BTBD9: variants seen among roughly 807,000 people sequenced by gnomAD.
BTBD9 encodes BTB domain containing 9, also known as BTB/POZ domain-containing protein 9.
BTBD9 carries 49 observed loss-of-function variants against 64.3 expected under a neutral mutation model. The ratio of observed to expected loss-of-function variants is 0.76; its 90% CI spans 0.61 to 0.97. The LOEUF (loss-of-function observed/expected upper bound fraction) is 0.97. Ranked by LOEUF, BTBD9 falls within the 50% of genes least tolerant of loss-of-function variation. The probability of loss-of-function intolerance (pLI) is 0.00; values close to 1 mark genes in which losing one functional copy is unlikely to be tolerated. For missense variants in BTBD9, 598 were observed against 762.1 expected, an observed-to-expected ratio of 0.78 and a Z score of 2.53; for synonymous variants, 260 against 274.7, an observed-to-expected ratio of 0.95 and a Z score of 0.53.
At chr6:38,186,656 G>A (rs866856635) in intron 10 of BTBD9, among the ~76,000 whole-genome samples, 1 of 152,128 alleles carries the variant, frequency 6.6e-6, no homozygotes, top group African/African-American at 2.4e-5. Context: ...AGGTGCCAGG[G>A]ATACAAAGAT....
At chr6:38,504,474 T>C (rs1243147350) in intron 6 of BTBD9, 19 of 451,848 alleles carry the variant, frequency 4.2e-5, no homozygotes, top group Admixed American at 7.1e-5. Flanking sequence ...TACTGAACTT[T>C]AGACCACATC....
intron 9 of BTBD9, among the ~76,000 whole-genome samples, chr6:38,245,143 T>C (rs1335483764): frequency 1.3e-5 from 2 of 152,234 alleles, no homozygotes; most frequent in Admixed American, 6.5e-5. Context: ...GCTACTACTA[T>C]GGATCAAAGA....
chr6:38,400,822 C>T (rs1766895557), intron 6 of BTBD9, among the ~76,000 whole-genome samples: 1 of 152,100 alleles, frequency 6.6e-6, no homozygotes. Flanking sequence ...TTATTTTGTG[C>T]CTGGTCTAGG....
chr6:38,577,545 G>A, intron 6 of BTBD9, 55 bp downstream of exon 6: 2 of 1,532,982 alleles, frequency 1.3e-6, no homozygotes, highest in Non-Finnish European at 1.8e-6. Flanking sequence ...GCTTCTCCAA[G>A]TCCAAATCTC....
chr6:38,607,863 C>G (rs562153463), intron 1 of BTBD9, among the ~76,000 whole-genome samples: 16 of 151,544 alleles, frequency 1.1e-4, no homozygotes, highest in African/African-American at 3.6e-4. Flanking sequence ...CTTATTAAAA[C>G]AACCTTTCCC....
chr6:38,228,292 G>A (rs1017010958), intron 9 of BTBD9, among the ~76,000 whole-genome samples: 10 of 144,988 alleles, frequency 6.9e-5, no homozygotes, highest in African/African-American at 2.6e-5. Context: ...GGCTACAGTG[G>A]GCTATGATAA....
At chr6:38,313,290 T>C (rs888733191) in intron 7 of BTBD9, among the ~76,000 whole-genome samples, 2 of 152,224 alleles carry the variant, frequency 1.3e-5, no homozygotes, top group African/African-American at 2.4e-5. Flanking sequence ...GTGGAGTCTT[T>C]AGGTTTTTTC....
chr6:38,370,553 T>C (rs1451548746), intron 6 of BTBD9, among the ~76,000 whole-genome samples: 1 of 152,250 alleles, frequency 6.6e-6, no homozygotes, highest in Non-Finnish European at 1.5e-5. Flanking sequence ...AACTTATTGG[T>C]AATTACTGTA....
At chr6:38,266,950 C>G (rs927524225) in intron 8 of BTBD9, among the ~76,000 whole-genome samples, 3 of 152,314 alleles carry the variant, frequency 2.0e-5, no homozygotes, top group African/African-American at 7.2e-5. Flanking sequence ...GATCTTCCCC[C>G]GTGTTTAAAT....
intron 6 of BTBD9, among the ~76,000 whole-genome samples, chr6:38,426,544 G>A (rs752480037): frequency 4.0e-5 from 6 of 151,824 alleles, no homozygotes; most frequent in Non-Finnish European, 8.8e-5. Flanking sequence ...CTGTTTTGCC[G>A]CCGTCGCAGA....
intron 7 of BTBD9, among the ~76,000 whole-genome samples, chr6:38,322,085 A>G (rs1763259251): frequency 6.6e-6 from 1 of 152,064 alleles, no homozygotes; most frequent in Non-Finnish European, 1.5e-5. Context: ...CCACCAAACG[A>G]GAAGGAAGAA....
Position 38,573,595 on chromosome 6 carries a change from T to C in BTBD9, c.1154+4005A>G, listed in dbSNP as rs546699839. 2.6e-5 allele frequency among the ~76,000 whole-genome samples: 4 copies of C among 152,330 alleles called. No individual in the cohort carries two copies. In the South Asian group the frequency reaches 8.3e-4, roughly 32 times the overall value. On this transcript the variant is annotated intron_variant, in intron 6 of 10. Coordinates refer to ENST00000481247, the MANE Select transcript of BTBD9 (RefSeq NM_001099272.2). ...CTCAACGGGCATAACCTTGAGAACG[T>C]TGCTTTTAGCCCTGCTTTCTTCTCT...
Position 38,594,200 on chromosome 6 carries a change from C to T in BTBD9, c.313G>A (p.Glu105Lys). Residue 105 changes from glutamate to lysine, a missense_variant, in exon 3 of 11, where the codon GAG becomes AAG. By Grantham distance (56) the Glu-to-Lys change is moderately conservative (BLOSUM62 1). Transcript: ENST00000481247. ...IYTGRATLTD[E>K]KEEVLLDFLS... is the part of the protein sequence containing the mutation. Reference sequence around the variant, plus strand: ...AAGTCCAGCAGCACCTCCTCCTTCTCATCTGTCAGCGTTGCCCGCCCAGTG... The same window carrying T: ...AAGTCCAGCAGCACCTCCTCCTTCTTATCTGTCAGCGTTGCCCGCCCAGTG... 6.2e-7 allele frequency: 1 copy of T among 1,614,198 alleles called. No homozygotes were observed. The highest frequency in any genetic ancestry group is 8.5e-7 in the Non-Finnish European group (1 of 1,180,042).
At chr6:38,239,374 A>G (rs1301734192) in intron 9 of BTBD9, among the ~76,000 whole-genome samples, 1 of 140,464 alleles carries the variant, frequency 7.1e-6, no homozygotes, top group Admixed American at 7.7e-5. Context: ...TGGGATGTGG[A>G]GGTTGCAGTG....
At chr6:38,523,465 C>A (rs1773355069) in intron 6 of BTBD9, among the ~76,000 whole-genome samples, 1 of 152,134 alleles carries the variant, frequency 6.6e-6, no homozygotes, top group Admixed American at 6.5e-5. Flanking sequence ...GAGAGTTGGG[C>A]CAAAGCCTAC....
intron 6 of BTBD9, among the ~76,000 whole-genome samples, chr6:38,415,487 C>G (rs143434451): frequency 1.1e-4 from 16 of 152,098 alleles, no homozygotes; most frequent in African/African-American, 3.9e-4. Context: ...TGATTTTAGC[C>G]CAGTGAGACC....
chr6:38,433,612 A>C (rs1768555829), intron 6 of BTBD9, among the ~76,000 whole-genome samples: 1 of 150,342 alleles, frequency 6.7e-6, no homozygotes, highest in Admixed American at 6.6e-5. Context: ...AAACAGCCCC[A>C]CCCCTATCTC....
Position 38,169,166 on chromosome 6 carries a change from T to C in BTBD9, c.*5819A>G, listed in dbSNP as rs993453923. On this transcript the variant is annotated 3_prime_UTR_variant, in exon 11 of 11. Coordinates refer to ENST00000481247, the MANE Select transcript of BTBD9 (RefSeq NM_001099272.2). ...CCCTGCTGACCCTGGAAGCAGCTGA[T>C]TGAGGGGCCTGGGAAGACCCCATGG... is the stretch of plus-strand genomic sequence containing the variant. 3.9e-5 allele frequency: 6 copies of C among 152,316 alleles called. No homozygotes were observed. Among genetic ancestry groups the C allele is most frequent in the African/African-American group, 1.4e-4 (6 of 41,414 alleles). 9.4% of individuals were successfully genotyped at this position (152,316 alleles called of 1,614,324 possible).
intron 6 of BTBD9, among the ~76,000 whole-genome samples, chr6:38,471,395 C>T (rs140869683): frequency 4.2e-4 from 64 of 152,246 alleles, no homozygotes; most frequent in African/African-American, 1.5e-3. Flanking sequence ...GAATCCGACC[C>T]ACTAGGACCT....
Sources: allele counts gnomAD v4.1 joint callset (sites outside exome capture counted in the v4.1 genomes callset), GRCh38; gene constraint gnomAD v4.1.1; transcripts MANE v1.5; gene names NCBI Gene and HGNC (gene_info 2026-07-23, HGNC 2026-07-21).